The following TMEM221 variants were observed in gnomAD, a reference collection of about 807,000 sequenced individuals.
TMEM221 encodes Putative transmembrane protein ENSP00000342162.
TMEM221 carries 11 observed loss-of-function variants against 10.2 expected under a neutral mutation model. The ratio of observed to expected loss-of-function variants is 1.08; its 90% CI spans 0.68 to 1.79. TMEM221 has a LOEUF of 1.79. Among genes scored for constraint, TMEM221 ranks in the 40% most tolerant of loss-of-function variants. TMEM221 has a pLI of 0.00. For synonymous variants in TMEM221, 172 were observed against 199.8 expected (o/e 0.86, Z 1.18); for missense variants, 382 against 417.7 (o/e 0.91, Z 0.75).
rs2074959658 is a variant in TMEM221, at chr19:17,448,155, G to C, written c.308C>G (p.Pro103Arg). 1.4e-6 allele frequency: 2 copies of C among 1,419,160 alleles called. No individual in the cohort carries two copies. The highest frequency in any genetic ancestry group is 1.8e-6 in the Non-Finnish European group (2 of 1,089,670). The allele number at this position is 1,419,160 out of a possible 1,614,324, so 87.9% of individuals were successfully genotyped here. A position where few individuals can be genotyped will look rare whatever the true frequency, so the allele number is the denominator to read the frequency against. ...GHLGAELARGPGPRRSDWFLY... is the reference protein window; with the variant it reads ...GHLGAELARGRGPRRSDWFLY... ...CCAGTCCTCCTACCTCCTGGGGCCA[G>C]GCCCCCGCGCCAGCTCGGCGCCCAG... is the stretch of plus-strand genomic sequence containing the variant. Residue 103 changes from proline (P) to arginine (R), a missense_variant, in exon 1 of 3, where the codon CCT becomes CGT. Coordinates refer to ENST00000341130, the MANE Select transcript of TMEM221 (RefSeq NM_001190844.2). The surrounding 1 kb of genome is among the most constrained non-coding windows in gnomAD (Gnocchi z 4.7).
chr19:17,438,743 A>C (rs2074919825), intron 2 of TMEM221, among the ~76,000 whole-genome samples: 1 of 151,492 alleles, frequency 6.6e-6, no homozygotes, highest in Non-Finnish European at 1.5e-5. Context: ...GATTATAGGC[A>C]TGCACCACCA....
At chr19:17,442,442 CT>C (rs35930067) in intron 2 of TMEM221, among the ~76,000 whole-genome samples, 47,080 of 137,360 alleles carry the variant, frequency 0.34, 8,158 homozygotes, top group South Asian at 0.4. Context: ...TCTTTTCTTT[CT>C]TTTTTTTTTT....
intron 2 of TMEM221, among the ~76,000 whole-genome samples, chr19:17,439,631 T>C (rs965147069): frequency 6.7e-6 from 1 of 149,738 alleles, no homozygotes; most frequent in Non-Finnish European, 1.5e-5. Context: ...GAGATTGCAG[T>C]GAGCCGAGAT....
At chr19:17,439,697 GA>G (rs71162129) in intron 2 of TMEM221, among the ~76,000 whole-genome samples, 26,324 of 134,654 alleles carry the variant, frequency 0.2, 2,353 homozygotes, top group Non-Finnish European at 0.22. Context: ...CGAGAAAAAA[GA>G]AAAAAAAAAA....
At chr19:17,438,279 G>T (rs1424757587) in intron 2 of TMEM221, among the ~76,000 whole-genome samples, 1 of 152,014 alleles carries the variant, frequency 6.6e-6, no homozygotes, top group Non-Finnish European at 1.5e-5. Context: ...GTAGAGACAG[G>T]GTTTCACTAT....
rs1407344033 is a variant in TMEM221, at chr19:17,436,626, G to C, written c.708C>G (p.Ala236=). The C allele has an allele frequency of 9.1e-6, 14 of 1,536,016 alleles. No homozygotes were observed. The highest frequency in any genetic ancestry group is 2.4e-5 in the East Asian group (1 of 40,930). Residue 236 remains alanine, a synonymous_variant, in exon 3 of 3, where the codon GCC becomes GCG. Coordinates refer to ENST00000341130, the MANE Select transcript of TMEM221 (RefSeq NM_001190844.2). Reference sequence around the variant, plus strand: ...CTCCCTCCAGGGCTGCAGGTGCTGTGGCAGTGGCCATGGACCCAAAGGGGT... The same window carrying C: ...CTCCCTCCAGGGCTGCAGGTGCTGTCGCAGTGGCCATGGACCCAAAGGGGT... The part of the protein sequence containing the change: ...PGDPFGSMAT[A]TAPAALEGGW...
At chr19:17,442,883 C>G (rs1372979421) in intron 2 of TMEM221, among the ~76,000 whole-genome samples, 1 of 152,074 alleles carries the variant, frequency 6.6e-6, no homozygotes, top group Non-Finnish European at 1.5e-5. Flanking sequence ...TTCATTAAGT[C>G]AAACAACAAA....
At chr19:17,446,893 A>C (rs1228864499) in intron 1 of TMEM221, among the ~76,000 whole-genome samples, 1 of 151,928 alleles carries the variant, frequency 6.6e-6, no homozygotes, top group African/African-American at 2.4e-5. Flanking sequence ...CACCACACCT[A>C]GCTAATTATT....
intron 2 of TMEM221, among the ~76,000 whole-genome samples, chr19:17,438,822 T>C (rs1307950796): frequency 6.6e-6 from 1 of 150,946 alleles, no homozygotes; most frequent in Non-Finnish European, 1.5e-5. Context: ...GGTCTCGAAC[T>C]CCTGACCTCA....
intron 1 of TMEM221, 40 bp from the exon 2 acceptor site, chr19:17,445,324 G>T: frequency 6.7e-7 from 1 of 1,496,412 alleles, no homozygotes; most frequent in South Asian, 1.2e-5. Context: ...GGTTCAGGAA[G>T]TGGAGCTGGT....
chr19:17,438,484 A>G (rs1225003034), intron 2 of TMEM221, among the ~76,000 whole-genome samples: 1 of 152,074 alleles, frequency 6.6e-6, no homozygotes, highest in Admixed American at 6.6e-5. Context: ...TTGGCCTGCC[A>G]AGAGGGCTGG....
intron 1 of TMEM221, 137 bp from the exon 2 acceptor site, chr19:17,445,421 C>T (rs2074949157): frequency 3.3e-6 from 2 of 602,624 alleles, no homozygotes; most frequent in Non-Finnish European, 5.8e-6. Context: ...TATGTGAGTA[C>T]CTAACCATCA....
Position 17,436,173 on chromosome 19 carries a change from G to A in TMEM221, c.*285C>T, listed in dbSNP as rs531858210. ...CCCTGCAGCAAGGTATGGCCATTTC[G>A]CTCTGTTCTGGCCAGTGGGATATAA... On this transcript the variant is annotated 3_prime_UTR_variant, in exon 3 of 3. Coordinates refer to ENST00000341130, the MANE Select transcript of TMEM221 (RefSeq NM_001190844.2). 94 of 324,174 alleles carry A rather than the reference G, an allele frequency of 2.9e-4. 2 individuals are homozygous for A. Among genetic ancestry groups the A allele is most frequent in the South Asian group, 2.4e-3 (24 of 9,834 alleles). 20.1% of individuals were successfully genotyped at this position (324,174 alleles called of 1,614,324 possible).
intron 2 of TMEM221, among the ~76,000 whole-genome samples, chr19:17,442,223 C>G (rs2074934623): frequency 6.6e-6 from 1 of 151,902 alleles, no homozygotes; most frequent in Admixed American, 6.6e-5. Flanking sequence ...AAGTGACAAG[C>G]ATTTCTGTTT....
At chr19:17,447,212 A>G (rs1312709444) in intron 1 of TMEM221, among the ~76,000 whole-genome samples, 3 of 138,830 alleles carry the variant, frequency 2.2e-5, no homozygotes, top group Non-Finnish European at 3.2e-5. Flanking sequence ...ACAGAGCAAG[A>G]CTCTGTCTCA....
At chr19:17,439,697 G>GAAAA (rs71162129) in intron 2 of TMEM221, among the ~76,000 whole-genome samples, 15 of 134,786 alleles carry the variant, frequency 1.1e-4, no homozygotes, top group Admixed American at 4.5e-4. Context: ...CGAGAAAAAA[G>GAAAA]AAAAAAAAAA....
intron 2 of TMEM221, 66 bp downstream of exon 2, chr19:17,445,132 TA>T (rs1413167244): frequency 7.2e-7 from 1 of 1,386,038 alleles, no homozygotes; most frequent in Non-Finnish European, 9.9e-7. Context: ...TGATCCCAGT[TA>T]GGGGACCATT....
chr19:17,446,525 C>T (rs1008257726), intron 1 of TMEM221, among the ~76,000 whole-genome samples: 3 of 152,092 alleles, frequency 2.0e-5, no homozygotes, highest in African/African-American at 4.8e-5. Flanking sequence ...TGAAAGTGGA[C>T]GCCTTCCCCA....
chr19:17,440,222 A>AT (rs71162130), intron 2 of TMEM221, among the ~76,000 whole-genome samples: 3,261 of 96,378 alleles, frequency 0.034, 84 homozygotes, highest in East Asian at 0.058. Context: ...TTAAAATGGT[A>AT]TTTTTTTTTT....
Sources: gnomAD v4.1 joint callset for allele counts (sites outside exome capture counted in the v4.1 genomes callset) on GRCh38, gnomAD v4.1.1 for gene constraint, Gnocchi (gnomAD v3.1) non-coding constraint, MANE v1.5 for transcripts, NCBI Gene and HGNC (gene_info 2026-07-23, HGNC 2026-07-21) for gene names.